PDE7B: variants seen among roughly 807,000 people sequenced by gnomAD.
The protein encoded by PDE7B is phosphodiesterase 7B, also known as 3',5'-cyclic-AMP phosphodiesterase 7B.
Under a neutral mutation model 56.2 loss-of-function variants are expected in PDE7B, and 29 were observed. The ratio of observed to expected loss-of-function variants is 0.52; its 90% CI spans 0.38 to 0.70. The LOEUF is 0.70. PDE7B is among the 30% of genes least tolerant of loss of function. The pLI, the probability that PDE7B is intolerant of heterozygous loss-of-function variation, is 0.00. For missense variants in PDE7B, 490 were observed against 565.0 expected (o/e 0.87, Z 1.35); for synonymous variants, 197 against 196.9 (o/e 1.00, Z 0.00).
chr6:136,131,985 G>A (rs760062041), intron 3 of PDE7B, among the ~76,000 whole-genome samples: 3 of 152,146 alleles, frequency 2.0e-5, no homozygotes, highest in African/African-American at 4.8e-5. Flanking sequence ...CGGTTAGAAA[G>A]AATGAATAAG....
At chr6:135,858,338 A>G (rs1482808410) in intron 1 of PDE7B, among the ~76,000 whole-genome samples, 2 of 152,050 alleles carry the variant, frequency 1.3e-5, no homozygotes, top group Non-Finnish European at 2.9e-5. Flanking sequence ...TTTTTAGTAG[A>G]GATGGGATTT....
At position 136,050,192 on chromosome 6, in the gene PDE7B, C is replaced by T. The variant is rs767683604; in HGVS notation, c.83-58539C>T. 5.9e-5 allele frequency among the ~76,000 whole-genome samples: 9 copies of T among 152,270 alleles called. No homozygotes were observed. The South Asian group carries it at 1.5e-3, about 25-fold the overall frequency. ...TTCACTCCCAAATACTTAACGTCTC[C>T]GTGATGCGTGATGGCACTATATAAG... is the stretch of plus-strand genomic sequence containing the variant. On this transcript the variant is annotated intron_variant, in intron 2 of 12. Transcript: ENST00000308191.
rs142828976 is a variant in PDE7B, at chr6:135,985,508, T to TC, written c.82+37985dup. ...AAAAGATAAGTCCAAGCATTATTTT[T>TC]CTCATCTGCAAAGGGAACAATTTCT... On this transcript the variant is annotated intron_variant, in intron 2 of 12. Transcript: ENST00000308191. Among the ~76,000 whole-genome samples the TC allele has an allele frequency of 1.6e-3, 243 of 152,342 alleles. 1 individual carries two copies. In the East Asian group the frequency reaches 0.028, roughly 17 times the overall value.
At chr6:136,186,806 A>G (rs1006222403) in intron 11 of PDE7B, among the ~76,000 whole-genome samples, 4 of 152,234 alleles carry the variant, frequency 2.6e-5, no homozygotes, top group African/African-American at 9.6e-5. Flanking sequence ...CACACCTACT[A>G]GCAATAAGCC....
chr6:136,154,225 A>G (rs374280178), intron 7 of PDE7B, 50 bp downstream of exon 7: 41 of 1,164,234 alleles, frequency 3.5e-5, no homozygotes, highest in Non-Finnish European at 4.9e-5. Context: ...TGCCAAGGAA[A>G]CTACCTGCTA....
intron 12 of PDE7B, among the ~76,000 whole-genome samples, chr6:136,188,915 T>A (rs1174365848): frequency 6.6e-6 from 1 of 152,158 alleles, no homozygotes; most frequent in East Asian, 1.9e-4. Flanking sequence ...ATCTGCCAGC[T>A]CGTAGAGGTT....
intron 3 of PDE7B, among the ~76,000 whole-genome samples, chr6:136,119,333 C>T (rs976602852): frequency 2.0e-5 from 3 of 152,108 alleles, no homozygotes; most frequent in Non-Finnish European, 4.4e-5. Context: ...TTCTGGTTTT[C>T]TATTTTTTTC....
chr6:136,136,514 G>T (rs947349636), intron 3 of PDE7B, among the ~76,000 whole-genome samples: 1 of 151,772 alleles, frequency 6.6e-6, no homozygotes, highest in Admixed American at 6.6e-5. Context: ...GGACAAAGAG[G>T]GTGACTAGGG....
chr6:136,110,677 A>G (rs1448101563), intron 3 of PDE7B, among the ~76,000 whole-genome samples: 1 of 151,730 alleles, frequency 6.6e-6, no homozygotes, highest in Non-Finnish European at 1.5e-5. Flanking sequence ...GGGACAGTGG[A>G]ATATTTAATT....
intron 8 of PDE7B, among the ~76,000 whole-genome samples, chr6:136,162,763 C>T (rs1006036810): frequency 6.6e-6 from 1 of 152,190 alleles, no homozygotes; most frequent in South Asian, 2.1e-4. Flanking sequence ...TGGGTAAATA[C>T]ACCCATTCCA....
intron 2 of PDE7B, among the ~76,000 whole-genome samples, chr6:136,016,902 T>G (rs1583830350): frequency 6.6e-6 from 1 of 152,260 alleles, no homozygotes; most frequent in Non-Finnish European, 1.5e-5. Flanking sequence ...TCAAAGACAC[T>G]GTTAACCAGC....
chr6:135,863,565 C>A (rs538594875), intron 1 of PDE7B, among the ~76,000 whole-genome samples: 1 of 151,932 alleles, frequency 6.6e-6, no homozygotes, highest in African/African-American at 2.4e-5. Flanking sequence ...AAAGAAATAT[C>A]TATAATGGCT....
chr6:135,943,288 G>A (rs1327876086), intron 1 of PDE7B, among the ~76,000 whole-genome samples: 1 of 152,106 alleles, frequency 6.6e-6, no homozygotes, highest in African/African-American at 2.4e-5. Flanking sequence ...AGATAAGAAG[G>A]CAGATTTGCA....
chr6:135,948,810 G>C (rs1364980334), intron 2 of PDE7B, among the ~76,000 whole-genome samples: 1 of 151,100 alleles, frequency 6.6e-6, no homozygotes, highest in Non-Finnish European at 1.5e-5. Context: ...AGTGTGAAAT[G>C]AAAATGTCTC....
chr6:135,915,040 C>T (rs1273163185), intron 1 of PDE7B, among the ~76,000 whole-genome samples: 1 of 151,374 alleles, frequency 6.6e-6, no homozygotes, highest in African/African-American at 2.4e-5. Context: ...TTGCAGTGAG[C>T]CAATATTGTA....
At chr6:135,893,872 T>C (rs1775852548) in intron 1 of PDE7B, among the ~76,000 whole-genome samples, 2 of 152,188 alleles carry the variant, frequency 1.3e-5, no homozygotes, top group Non-Finnish European at 2.9e-5. Context: ...GAACATTTAA[T>C]TTCAAGTTTT....
intron 8 of PDE7B, 65 bp downstream of exon 8, chr6:136,155,823 C>T (rs1203372165): frequency 6.6e-7 from 1 of 1,521,088 alleles, no homozygotes; most frequent in Non-Finnish European, 9.1e-7. Flanking sequence ...GTGCTCAAGC[C>T]TGAATCTTGC....
intron 2 of PDE7B, among the ~76,000 whole-genome samples, chr6:136,084,646 T>G (rs1297790944): frequency 6.6e-6 from 1 of 152,200 alleles, no homozygotes; most frequent in Non-Finnish European, 1.5e-5. Flanking sequence ...ATTTTGTAAG[T>G]ATAGTGTTCT....
intron 2 of PDE7B, among the ~76,000 whole-genome samples, chr6:135,974,973 T>C (rs1775157478): frequency 6.6e-6 from 1 of 151,768 alleles, no homozygotes; most frequent in Non-Finnish European, 1.5e-5. Context: ...GCCAAAAGGG[T>C]GAGGTGCAAG....
Sources: gnomAD v4.1 joint callset for allele counts (sites outside exome capture counted in the v4.1 genomes callset) on GRCh38, gnomAD v4.1.1 for gene constraint, MANE v1.5 for transcripts, NCBI Gene and HGNC (gene_info 2026-07-23, HGNC 2026-07-21) for gene names.